Variants in SRSF10 observed in about 807,000 individuals in gnomAD.
SRSF10 encodes serine and arginine rich splicing factor 10, also known as serine/arginine-rich splicing factor 10.
A neutral mutation model predicts 32.6 loss-of-function variants in SRSF10; 9 were observed. That is an observed-to-expected ratio of 0.28 (90% CI 0.17 to 0.48). SRSF10 has a LOEUF of 0.48. Among genes scored for constraint, SRSF10 ranks in the 20% least tolerant of loss-of-function variants. The pLI, the probability that SRSF10 is intolerant of heterozygous loss-of-function variation, is 0.99. For synonymous variants in SRSF10, 105 were observed against 112.4 expected (o/e 0.93, Z 0.42); for missense variants, 201 against 331.8 (o/e 0.61, Z 3.06).
At chr1:23,974,423 A>G (rs931115472) in intron 3 of SRSF10, among the ~76,000 whole-genome samples, 15 of 152,194 alleles carry the variant, frequency 9.9e-5, no homozygotes, top group Non-Finnish European at 2.1e-4. Flanking sequence ...AAAAGAGTCC[A>G]CATATATTTC....
intron 4 of SRSF10, 84 bp downstream of exon 4, chr1:23,971,765 TA>T (rs774133645): frequency 3.3e-6 from 5 of 1,498,548 alleles, no homozygotes; most frequent in East Asian, 2.3e-5. Context: ...TGTATATAAT[TA>T]AAAGTATACA....
At chr1:23,978,557 G>A (rs1642220789) in intron 2 of SRSF10, 156 bp downstream of exon 2, 7 of 941,126 alleles carry the variant, frequency 7.4e-6, no homozygotes, top group East Asian at 5.8e-5. Flanking sequence ...CTTTAATAAC[G>A]AGAGCAATGT....
At chr1:23,976,354 T>G (rs1043132734) in intron 2 of SRSF10, 3 of 152,194 alleles carry the variant, frequency 2.0e-5, no homozygotes, top group Non-Finnish European at 4.4e-5. Context: ...ACTGCAGGTT[T>G]CCAGCTCTGT....
Position 23,971,105 on chromosome 1 carries a change from A to G in SRSF10, c.*37T>C. On this transcript the variant is annotated 3_prime_UTR_variant, in exon 6 of 6. Transcript: ENST00000492112. ...AAGTAAACCAAACTATGAGTAAATG[A>G]ATGATACATGCCTAAAAATGACCAT... The G allele has an allele frequency of 1.9e-6, 3 of 1,546,150 alleles. No individual in the cohort carries two copies. The highest frequency in any genetic ancestry group is 2.6e-6 in the Non-Finnish European group (3 of 1,151,598).
At position 23,979,310 on chromosome 1, in the gene SRSF10, T is replaced by C. The variant is rs540759062; in HGVS notation, c.66-493A>G. Among the ~76,000 whole-genome samples the C allele has an allele frequency of 1.9e-3, 291 of 152,084 alleles. 2 individuals are homozygous for C. Among genetic ancestry groups the C allele is most frequent in the Non-Finnish European group, 2.7e-3 (182 of 67,968 alleles). On this transcript the variant is annotated intron_variant, in intron 1 of 5. Transcript: ENST00000492112. ...AAAGAATTATTTATGGAAAGAATTA[T>C]TGCTTTCTTTCCTTCTTAAATTTAA...
intron 2 of SRSF10, 39 bp from the exon 3 acceptor site, chr1:23,975,116 T>C (rs1642005471): frequency 2.0e-5 from 30 of 1,522,000 alleles, no homozygotes; most frequent in East Asian, 2.3e-5. Context: ...TTTGCAAACT[T>C]TGATAATGAA....
At chr1:23,977,150 CAGG>C (rs1244868178) in intron 2 of SRSF10, 2 of 152,334 alleles carry the variant, frequency 1.3e-5, no homozygotes, top group East Asian at 1.9e-4. Flanking sequence ...ACTGGCCCTG[CAGG>C]AGTAGTTTTT....
At chr1:23,977,273 T>C (rs1222114051) in intron 2 of SRSF10, 1 of 152,154 alleles carries the variant, frequency 6.6e-6, no homozygotes, top group Non-Finnish European at 1.5e-5. Flanking sequence ...CAAACCCTTG[T>C]TGCAGGGAGA....
Position 23,973,077 on chromosome 1 carries a change from T to C in SRSF10, c.275-1065A>G, listed in dbSNP as rs908233990. Among the ~76,000 whole-genome samples the C allele has an allele frequency of 2.6e-5, 4 of 152,288 alleles. No homozygotes were observed. In the East Asian group the frequency reaches 7.7e-4, roughly 29 times the overall value. ...TCTGTTTTAGAGGTGTCTGTAGTTT[T>C]GGTGTGAGATGCAGATGCAGAACGT... On this transcript the variant is annotated intron_variant, in intron 3 of 5. Coordinates refer to ENST00000492112, the MANE Select transcript of SRSF10 (RefSeq NM_054016.4).
rs2148513253 is a variant in SRSF10 at position 23,978,625 on chromosome 1, G to T, written c.170+88C>A. 3 of 1,446,074 alleles carry T rather than the reference G, an allele frequency of 2.1e-6. No individual in the cohort carries two copies. In the East Asian group the frequency reaches 7.3e-5, roughly 35 times the overall value. The allele number at this position is 1,446,074 out of a possible 1,614,324, so 89.6% of individuals were successfully genotyped here. A position where few individuals can be genotyped will look rare whatever the true frequency, so the allele number is the denominator to read the frequency against. On this transcript the variant is annotated intron_variant, in intron 2 of 5. Transcript: ENST00000492112. Reference sequence around the variant, plus strand: ...ACAGACATTTATTAGAGGACAAAAAGAACTACTTTTTAGATGTTACCACTT... The same window carrying T: ...ACAGACATTTATTAGAGGACAAAAATAACTACTTTTTAGATGTTACCACTT...
At chr1:23,971,709 T>C in intron 4 of SRSF10, 83 bp from the exon 5 acceptor site, 1 of 1,540,394 alleles carries the variant, frequency 6.5e-7, no homozygotes, top group Non-Finnish European at 8.8e-7. Context: ...CATAAAACTT[T>C]TAAAATAAAA....
In SRSF10 at chr1:23,967,451, T is replaced by C; in HGVS notation, c.*3691A>G. The C allele has an allele frequency of 4.2e-6, 2 of 479,134 alleles. No homozygotes were observed. The highest frequency in any genetic ancestry group is 3.4e-5 in the Admixed American group (1 of 29,218). The allele number at this position is 479,134 out of a possible 1,614,324, so 29.7% of individuals were successfully genotyped here. A position where few individuals can be genotyped will look rare whatever the true frequency, so the allele number is the denominator to read the frequency against. Reference sequence around the variant, plus strand: ...AAACCTATTCATATTTAGGGATTAGTTTCCACAAGTACAAAGTTGAATTTC... The same window carrying C: ...AAACCTATTCATATTTAGGGATTAGCTTCCACAAGTACAAAGTTGAATTTC... On this transcript the variant is annotated 3_prime_UTR_variant, in exon 6 of 6. Coordinates refer to ENST00000492112, the MANE Select transcript of SRSF10 (RefSeq NM_054016.4).
chr1:23,973,073 G>A (rs1641870439), intron 3 of SRSF10, among the ~76,000 whole-genome samples: 1 of 152,170 alleles, frequency 6.6e-6, no homozygotes, highest in East Asian at 1.9e-4. Context: ...GGTGTCTGTA[G>A]TTTTGGTGTG....
chr1:23,971,492 A>G (rs1641749759), intron 5 of SRSF10, 53 bp from the exon 6 acceptor site: 3 of 1,588,198 alleles, frequency 1.9e-6, no homozygotes, highest in Non-Finnish European at 1.7e-6. Context: ...TTCTATATTA[A>G]TCAAATTTGT....
chr1:23,967,775 T>C lies in SRSF10; in HGVS notation c.*3367A>G. 3 of 1,604,782 alleles carry C rather than the reference T, an allele frequency of 1.9e-6. No homozygotes were observed. Among genetic ancestry groups the C allele is most frequent in the Non-Finnish European group, 2.6e-6 (3 of 1,175,062 alleles). On this transcript the variant is annotated 3_prime_UTR_variant, in exon 6 of 6. Transcript: ENST00000492112. ...GTTTGGTTTCCTTTATTCTTCTCTG[T>C]GGTATACAGGATTTTGTTAGTTGAA...
chr1:23,979,982 C>T (rs1198003747), intron 1 of SRSF10, among the ~76,000 whole-genome samples: 4 of 152,242 alleles, frequency 2.6e-5, no homozygotes, highest in Non-Finnish European at 4.4e-5. Context: ...AAAAACCCCG[C>T]CACGCGGCCC....
intron 2 of SRSF10, chr1:23,976,262 C>T (rs1241386255): frequency 2.0e-5 from 3 of 152,062 alleles, no homozygotes; most frequent in Admixed American, 6.5e-5. Context: ...TTTTTGAGAC[C>T]GATACTGGTA....
At chr1:23,980,045 C>G (rs1642367726) in intron 1 of SRSF10, 146 bp downstream of exon 1, 4 of 847,530 alleles carry the variant, frequency 4.7e-6, no homozygotes, top group African/African-American at 1.8e-5. Context: ...AGGCCCGCTG[C>G]GCGGCCTAGT....
In SRSF10 at chr1:23,971,158, T is replaced by C; in HGVS notation, c.773A>G (p.Lys258Arg). The C allele has an allele frequency of 6.2e-7, 1 of 1,611,832 alleles. No individual in the cohort carries two copies. Among genetic ancestry groups the C allele is most frequent in the Non-Finnish European group, 8.5e-7 (1 of 1,179,248 alleles). Residue 258 changes from lysine (K) to arginine (R), a missense_variant, in exon 6 of 6, where the codon AAG (lysine) becomes AGG (arginine). Lys to Arg is a conservative substitution (Grantham distance 26). This residue lies in a region of SRSF10 where 159 missense variants were observed against 196.7 expected (regional missense o/e 0.81). Coordinates refer to ENST00000492112, the MANE Select transcript of SRSF10 (RefSeq NM_054016.4). ...TTTATACTATCAGTGGCCACTGGAC[T>C]TAGGACTAGTCCAAGACCTTGATCT... ...KSRSRSWTSP[K>R]SSGH
Sources: allele counts gnomAD v4.1 joint callset (sites outside exome capture counted in the v4.1 genomes callset), GRCh38; gene constraint gnomAD v4.1.1; regional missense constraint gnomAD v4.1.1; transcripts MANE v1.5; gene names NCBI Gene and HGNC (gene_info 2026-07-23, HGNC 2026-07-21).